Variants in PLCG2 observed in about 807,000 individuals in gnomAD.
The protein encoded by PLCG2 is phospholipase C gamma 2, also known as 1-phosphatidylinositol 4,5-bisphosphate phosphodiesterase gamma-2.
In PLCG2, 69 loss-of-function variants were observed where a neutral mutation model predicts 175.6. That is an observed-to-expected ratio of 0.39 (90% confidence interval 0.32 to 0.48). The LOEUF is 0.48. Ranked by LOEUF, PLCG2 falls within the 20% of genes least tolerant of loss-of-function variation. The probability of loss-of-function intolerance (pLI) is 0.91; values close to 1 mark genes in which losing one functional copy is unlikely to be tolerated. For missense variants in PLCG2, 1,798 were observed against 1,650.9 expected (o/e 1.09, Z -1.54); for synonymous variants, 827 against 624.0 (o/e 1.33, Z -4.85).
At chr16:81,844,539 C>T (rs528687097) in intron 2 of PLCG2, among the ~76,000 whole-genome samples, 1 of 151,754 alleles carries the variant, frequency 6.6e-6, no homozygotes, top group Non-Finnish European at 1.5e-5. Flanking sequence ...CCAGGCTGGT[C>T]TCAAACTCCC....
intron 1 of PLCG2, among the ~76,000 whole-genome samples, chr16:81,780,660 A>G (rs1336785764): frequency 6.6e-6 from 1 of 152,226 alleles, no homozygotes; most frequent in South Asian, 2.1e-4. Context: ...GTGGAAAAGC[A>G]CAGACCCCAT....
rs912000542 is a variant in PLCG2 at position 81,956,862 on chromosome 16, G to T, written c.3738G>T (p.Gln1246His). Residue 1246 changes from glutamine to histidine, a missense_variant, in exon 32 of 33, where the codon CAG (glutamine) becomes CAT (histidine). Gln to His is a conservative substitution (Grantham distance 24). Coordinates refer to ENST00000564138, the MANE Select transcript of PLCG2 (RefSeq NM_002661.5). ...ATGAGAACCAGCTCCAGCTGTACCA[G>T]GAGAAATGCAACAAGAGGTAGGTCA... ...SVNENQLQLYQEKCNKRLREK... is the reference protein window; with the variant it reads ...SVNENQLQLYHEKCNKRLREK... 6.2e-7 allele frequency: 1 copy of T among 1,613,520 alleles called. No homozygotes were observed. The highest frequency in any genetic ancestry group is 8.5e-7 in the Non-Finnish European group (1 of 1,179,760).
chr16:81,765,630 CAAT>C (rs1910133501), intron 2 of PLCG2, among the ~76,000 whole-genome samples: 1 of 42,652 alleles, frequency 2.3e-5, no homozygotes, highest in African/African-American at 4.4e-5. Flanking sequence ...GACTCGGTCT[CAAT>C]AAATAAATAA....
intron 13 of PLCG2, among the ~76,000 whole-genome samples, chr16:81,899,756 G>C (rs759102319): frequency 6.6e-6 from 1 of 152,224 alleles, no homozygotes; most frequent in Non-Finnish European, 1.5e-5. Context: ...ACCTGTGTCA[G>C]ATACGCTTGG....
chr16:81,742,238 C>T (rs751128081), intron 1 of PLCG2, among the ~76,000 whole-genome samples: 14 of 152,006 alleles, frequency 9.2e-5, no homozygotes, highest in South Asian at 2.1e-4. Flanking sequence ...TCCATTACTC[C>T]GAGTACATAG....
At chr16:81,843,326 C>T (rs1235728209) in intron 2 of PLCG2, among the ~76,000 whole-genome samples, 2 of 152,206 alleles carry the variant, frequency 1.3e-5, no homozygotes, top group African/African-American at 4.8e-5. Context: ...TACCCTTTCT[C>T]ACACCTTTAC....
intron 7 of PLCG2, among the ~76,000 whole-genome samples, chr16:81,874,950 T>G (rs1318643414): frequency 8.1e-4 from 45 of 55,490 alleles, no homozygotes; most frequent in Admixed American, 1.3e-3. Context: ...TCCTATGTGT[T>G]TTTTTTTTTT....
At chr16:81,769,714 G>T (rs1842231853) in intron 2 of PLCG2, among the ~76,000 whole-genome samples, 1 of 150,100 alleles carries the variant, frequency 6.7e-6, no homozygotes, top group African/African-American at 2.4e-5. Context: ...CAGCTACTTG[G>T]GAGGCTGAGG....
intron 14 of PLCG2, among the ~76,000 whole-genome samples, chr16:81,904,563 T>A (rs59187909): frequency 1.3e-5 from 2 of 152,106 alleles, no homozygotes; most frequent in South Asian, 2.1e-4. Flanking sequence ...CTAATCCCCA[T>A]TGGGTCCCCC....
intron 2 of PLCG2, among the ~76,000 whole-genome samples, chr16:81,839,760 G>A (rs1905721562): frequency 6.6e-6 from 1 of 152,276 alleles, no homozygotes; most frequent in Non-Finnish European, 1.5e-5. Flanking sequence ...CCAAAATGAT[G>A]AACATTTAGG....
intron 9 of PLCG2, among the ~76,000 whole-genome samples, chr16:81,883,763 C>A (rs114516822): frequency 6.6e-6 from 1 of 152,200 alleles, no homozygotes; most frequent in Admixed American, 6.5e-5. Flanking sequence ...CCTGCCAGGT[C>A]CCCTGGGAGA....
chr16:81,860,163 ATTATTATTATTT>A (rs1447630247), intron 5 of PLCG2, among the ~76,000 whole-genome samples: 1 of 97,026 alleles, frequency 1.0e-5, no homozygotes, highest in Admixed American at 1.0e-4. Flanking sequence ...TATTATTATT[ATTATTATTATTT>A]TTTTTTTTTT....
At chr16:81,924,702 C>G (rs1212995026) in intron 22 of PLCG2, among the ~76,000 whole-genome samples, 1 of 152,260 alleles carries the variant, frequency 6.6e-6, no homozygotes, top group Non-Finnish European at 1.5e-5. Flanking sequence ...CCAATTCATA[C>G]CTAGATTCCA....
chr16:81,909,927 G>T (rs1455494254), intron 17 of PLCG2, among the ~76,000 whole-genome samples: 1 of 149,182 alleles, frequency 6.7e-6, no homozygotes, highest in Non-Finnish European at 1.5e-5. Context: ...CAGGACACTT[G>T]GTTCATATGT....
chr16:81,905,450 C>T lies in PLCG2; in HGVS notation c.1410C>T (p.Asp470=). Residue 470 remains aspartate, a synonymous_variant, in exon 15 of 33, where the codon GAC becomes GAT. Coordinates refer to ENST00000564138, the MANE Select transcript of PLCG2 (RefSeq NM_002661.5). The part of the protein sequence containing the change: ...PRGDVDVNME[D]KKDEHKQQGE... ...GCGATGTGGATGTCAACATGGAGGA[C>T]AAGAAGGACGAACACAAGCAACAGG... The T allele has an allele frequency of 6.2e-7, 1 of 1,614,164 alleles. No individual in the cohort carries two copies. The highest frequency in any genetic ancestry group is 1.3e-5 in the African/African-American group (1 of 75,056).
At chr16:81,936,599 G>C (rs565847462) in intron 27 of PLCG2, among the ~76,000 whole-genome samples, 2 of 150,278 alleles carry the variant, frequency 1.3e-5, no homozygotes, top group South Asian at 2.1e-4. Context: ...CTTCGTGATT[G>C]TAAGTAAGTG....
intron 1 of PLCG2, among the ~76,000 whole-genome samples, chr16:81,746,271 G>A (rs1909702685): frequency 6.6e-6 from 1 of 152,210 alleles, no homozygotes; most frequent in Non-Finnish European, 1.5e-5. Flanking sequence ...TGACACGTGG[G>A]GGTCCGCCGC....
intron 1 of PLCG2, among the ~76,000 whole-genome samples, chr16:81,782,647 G>A (rs1197426567): frequency 6.6e-6 from 1 of 151,836 alleles, no homozygotes; most frequent in Non-Finnish European, 1.5e-5. Context: ...ATTTAGAAGG[G>A]CATTTCGTGA....
chr16:81,959,313 C>T lies in PLCG2; in HGVS notation c.*1315C>T, dbSNP rs1019421903. 12 of 222,952 alleles carry T rather than the reference C, an allele frequency of 5.4e-5. No individual in the cohort carries two copies. Among genetic ancestry groups the T allele is most frequent in the African/African-American group, 2.5e-4 (11 of 44,746 alleles). 13.8% of individuals were successfully genotyped at this position (222,952 alleles called of 1,614,324 possible). The stretch of plus-strand genomic sequence containing the variant: ...TCCTCTTGTTACCCGAAATGCTGGG[C>T]TTAGTATGCATGTACTGCTGAAAAG... On this transcript the variant is annotated 3_prime_UTR_variant, in exon 33 of 33. Transcript: ENST00000564138.
Sources: allele counts gnomAD v4.1 joint callset (sites outside exome capture counted in the v4.1 genomes callset), GRCh38; gene constraint gnomAD v4.1.1; transcripts MANE v1.5; gene names NCBI Gene and HGNC (gene_info 2026-07-23, HGNC 2026-07-21).